The following PICALM variants were observed in gnomAD, a reference collection of about 807,000 sequenced individuals.
PICALM encodes phosphatidylinositol binding clathrin assembly protein, also known as phosphatidylinositol-binding clathrin assembly protein.
In PICALM, 40 loss-of-function variants were observed where a neutral mutation model predicts 80.5. The ratio of observed to expected loss-of-function variants is 0.50; its 90% confidence interval spans 0.39 to 0.65. PICALM has a LOEUF of 0.65. PICALM is among the 30% of genes least tolerant of loss of function. The probability of loss-of-function intolerance (pLI) is 0.00; values close to 1 mark genes in which losing one functional copy is unlikely to be tolerated. For synonymous variants in PICALM, 288 were observed against 260.3 expected, an observed-to-expected ratio of 1.11 and a Z score of -1.02; for missense variants, 676 against 778.9, an observed-to-expected ratio of 0.87 and a Z score of 1.57.
intron 19 of PICALM, among the ~76,000 whole-genome samples, chr11:85,972,029 C>T (rs1279069587): frequency 2.0e-5 from 3 of 152,086 alleles, no homozygotes; most frequent in African/African-American, 7.2e-5. Context: ...GTGATCTACT[C>T]ACCTTGGCTT....
chr11:86,068,576 A>T, intron 1 of PICALM, 75 bp downstream of exon 1: 1 of 1,421,984 alleles, frequency 7.0e-7, no homozygotes. Context: ...AGGGTGAAAG[A>T]CAAGAGAGAG....
chr11:85,985,546 T>C (rs2094549866), intron 13 of PICALM, among the ~76,000 whole-genome samples: 1 of 152,200 alleles, frequency 6.6e-6, no homozygotes, highest in Non-Finnish European at 1.5e-5. Context: ...AATAATTTAG[T>C]ATATAAATCT....
At chr11:86,048,168 C>T (rs2096110617) in intron 1 of PICALM, among the ~76,000 whole-genome samples, 1 of 152,180 alleles carries the variant, frequency 6.6e-6, no homozygotes. Flanking sequence ...CACCTTCATG[C>T]AGTCAAGGAG....
intron 1 of PICALM, among the ~76,000 whole-genome samples, chr11:86,032,557 CG>C (rs779444245): frequency 2.8e-4 from 43 of 151,946 alleles, no homozygotes; most frequent in Non-Finnish European, 5.9e-4. Context: ...ACCTGGGAGG[CG>C]GAGGTTGCAG....
intron 3 of PICALM, among the ~76,000 whole-genome samples, chr11:86,024,921 C>T (rs1184184840): frequency 6.6e-6 from 1 of 152,156 alleles, no homozygotes; most frequent in Non-Finnish European, 1.5e-5. Flanking sequence ...TCTCTAAAGA[C>T]ATTTCCCTGA....
At chr11:86,043,194 TCACAG>T (rs2096005748) in intron 1 of PICALM, among the ~76,000 whole-genome samples, 1 of 152,226 alleles carries the variant, frequency 6.6e-6, no homozygotes, top group Non-Finnish European at 1.5e-5. Context: ...TAGCAGCTAT[TCACAG>T]TGCATTTGCA....
At chr11:86,051,353 C>A (rs2096182876) in intron 1 of PICALM, among the ~76,000 whole-genome samples, 1 of 152,158 alleles carries the variant, frequency 6.6e-6, no homozygotes, top group African/African-American at 2.4e-5. Flanking sequence ...GCTTACTCCT[C>A]TTGAAGCATA....
At chr11:85,966,811 A>G (rs894926883) in intron 19 of PICALM, among the ~76,000 whole-genome samples, 5 of 152,226 alleles carry the variant, frequency 3.3e-5, no homozygotes, top group African/African-American at 1.2e-4. Context: ...GTTGACAGGT[A>G]GAGACTAAAT....
intron 19 of PICALM, among the ~76,000 whole-genome samples, chr11:85,973,389 G>C (rs1393837399): frequency 6.6e-6 from 1 of 152,286 alleles, no homozygotes. Context: ...CTGAAAATAG[G>C]TAAGTAGAGG....
At chr11:86,042,358 A>G (rs2095987761) in intron 1 of PICALM, among the ~76,000 whole-genome samples, 2 of 152,212 alleles carry the variant, frequency 1.3e-5, no homozygotes, top group South Asian at 4.1e-4. Context: ...ATAAAAAGCT[A>G]CTTAATGGAA....
At chr11:86,013,029 C>T (rs1014919542) in intron 5 of PICALM, among the ~76,000 whole-genome samples, 21 of 152,100 alleles carry the variant, frequency 1.4e-4, no homozygotes, top group African/African-American at 3.9e-4. Context: ...GAAAAGAACA[C>T]GGTAGCTCAT....
chr11:86,029,851 C>T (rs1012657558), intron 2 of PICALM, among the ~76,000 whole-genome samples: 5 of 152,160 alleles, frequency 3.3e-5, no homozygotes, highest in African/African-American at 1.2e-4. Context: ...TAAGCTAATA[C>T]AGCCAAACAT....
chr11:86,067,328 T>C (rs756302185), intron 1 of PICALM, among the ~76,000 whole-genome samples: 3 of 152,222 alleles, frequency 2.0e-5, no homozygotes, highest in Non-Finnish European at 2.9e-5. Flanking sequence ...GTCAGACTAA[T>C]GTGTCCAGTC....
At chr11:85,959,493 C>T (rs556552251) in intron 19 of PICALM, among the ~76,000 whole-genome samples, 6 of 151,780 alleles carry the variant, frequency 4.0e-5, no homozygotes, top group African/African-American at 1.2e-4. Context: ...ATTAGCCAGG[C>T]GTGGTGGCGG....
chr11:85,976,626 T>C lies in PICALM; in HGVS notation c.1836A>G (p.Gly612=). The C allele has an allele frequency of 6.3e-7, 1 of 1,584,186 alleles. No individual in the cohort carries two copies. The highest frequency in any genetic ancestry group is 8.7e-7 in the Non-Finnish European group (1 of 1,152,866). The change falls in exon 18 of 20, where the codon GGA becomes GGG. Residue 612 remains glycine (G), a synonymous_variant. Transcript: ENST00000393346. ...CTGTACCTAGGAAAATACTTACAAT[T>C]CCATATCCTATCATGCCTGTTGGTG... ...ATTPTGMIGY[G]IPPQMGSVPV...
chr11:86,019,579 G>C (rs775553401), intron 4 of PICALM, among the ~76,000 whole-genome samples: 22 of 152,174 alleles, frequency 1.4e-4, no homozygotes, highest in Non-Finnish European at 2.6e-4. Context: ...ACACTTTACA[G>C]TGAAATATTA....
At chr11:85,964,014 A>G (rs1428777102) in intron 19 of PICALM, among the ~76,000 whole-genome samples, 2 of 149,208 alleles carry the variant, frequency 1.3e-5, no homozygotes, top group African/African-American at 4.9e-5. Context: ...AAACACACCT[A>G]GCTTAAAGAA....
At chr11:86,019,233 T>C (rs1003190102) in intron 4 of PICALM, among the ~76,000 whole-genome samples, 2 of 151,368 alleles carry the variant, frequency 1.3e-5, no homozygotes, top group African/African-American at 4.9e-5. Context: ...ATAATTTCAA[T>C]TGCTGTCATG....
chr11:86,053,030 C>T lies in PICALM; in HGVS notation c.130+15621G>A, dbSNP rs563859422. ...TTATCAAAAGCAGTATCTCTCTTAT[C>T]TGATTTTTAACATCATTTGATCTGT... On this transcript the variant is annotated intron_variant, in intron 1 of 19. Coordinates refer to ENST00000393346, the MANE Select transcript of PICALM (RefSeq NM_007166.4). Among the ~76,000 whole-genome samples the T allele has an allele frequency of 4.8e-4, 73 of 152,334 alleles. No individual in the cohort carries two copies. In the South Asian group the frequency reaches 0.014, roughly 29 times the overall value.
Sources: gnomAD v4.1 joint callset for allele counts (sites outside exome capture counted in the v4.1 genomes callset) on GRCh38, gnomAD v4.1.1 for gene constraint, MANE v1.5 for transcripts, NCBI Gene and HGNC (gene_info 2026-07-23, HGNC 2026-07-21) for gene names.